The following ABCC8 variants were observed in gnomAD, a reference collection of about 807,000 sequenced individuals.
ABCC8 encodes the protein ATP-binding cassette sub-family C member 8.
ABCC8 carries 137 observed loss-of-function variants against 188.0 expected under a neutral mutation model. The observed-to-expected ratio is 0.73, with a 90% confidence interval of 0.63 to 0.84. The LOEUF is 0.84. Ranked by LOEUF, ABCC8 falls within the 40% of genes least tolerant of loss-of-function variation. The pLI is 0.00. For synonymous variants in ABCC8, 797 were observed against 846.5 expected, an observed-to-expected ratio of 0.94 and a Z score of 1.01; for missense variants, 1,750 against 2,072.7, an observed-to-expected ratio of 0.84 and a Z score of 3.02.
chr11:17,476,247 C>A (rs985136), intron 1 of ABCC8, among the ~76,000 whole-genome samples: 2 of 152,056 alleles, frequency 1.3e-5, no homozygotes, highest in South Asian at 2.1e-4. Context: ...GGCTGCCTTG[C>A]GGGAGGGGTG....
At chr11:17,425,530 C>G (rs1955541701) in intron 16 of ABCC8, among the ~76,000 whole-genome samples, 1 of 152,116 alleles carries the variant, frequency 6.6e-6, no homozygotes, top group African/African-American at 2.4e-5. Flanking sequence ...ACTCCAAAGC[C>G]CAGAGATCCC....
intron 3 of ABCC8, 56 bp downstream of exon 3, chr11:17,470,045 A>G: frequency 1.3e-6 from 2 of 1,593,998 alleles, no homozygotes; most frequent in Non-Finnish European, 1.7e-6. Context: ...TCCTCAGTAA[A>G]CATTATCTGA....
chr11:17,427,773 T>G lies in ABCC8; in HGVS notation c.2116+94A>C, dbSNP rs368928782. The G allele has an allele frequency of 3.8e-5, 56 of 1,484,052 alleles. No individual in the cohort carries two copies. The highest frequency in any genetic ancestry group is 3.1e-4 in the East Asian group (13 of 41,642). The allele number at this position is 1,484,052 out of a possible 1,614,324, so 91.9% of individuals were successfully genotyped here. On this transcript the variant is annotated intron_variant, in intron 15 of 38. Transcript: ENST00000389817. The surrounding 1 kb of genome is among the most constrained non-coding windows in gnomAD (Gnocchi z 5.0). ...GCATACACCAAGAATGAGCAGAGAG[T>G]AGGTGCTCAATAAATGCAGCTTTGT...
rs760425259 is a variant in ABCC8 at position 17,406,912 on chromosome 11, T to G, written c.3138A>C (p.Ala1046=). 1 of 1,614,150 alleles carries G rather than the reference T, an allele frequency of 6.2e-7. No homozygotes were observed. The highest frequency in any genetic ancestry group is 1.1e-5 in the South Asian group (1 of 91,088). Residue 1046 remains alanine, a synonymous_variant, in exon 25 of 39, where the codon GCA becomes GCC. Coordinates refer to ENST00000389817, the MANE Select transcript of ABCC8 (RefSeq NM_000352.6). The part of the protein sequence containing the change: ...WTDSALTLTP[A]ARNCSLSQEC... The stretch of plus-strand genomic sequence containing the variant: ...CCTGGCTGAGGGAGCAGTTCCTGGC[T>G]GCAGGGGTCAGGGTCAGGGCGCTGT...
chr11:17,407,651 A>G (rs1340264056), intron 23 of ABCC8, 198 bp from the exon 24 acceptor site: 5 of 544,000 alleles, frequency 9.2e-6, no homozygotes, highest in Non-Finnish European at 1.2e-5. Flanking sequence ...GCACCCCCAT[A>G]TCCCTGTGGG....
intron 6 of ABCC8, among the ~76,000 whole-genome samples, chr11:17,453,829 C>T (rs2133644682): frequency 6.6e-6 from 1 of 152,220 alleles, no homozygotes. Flanking sequence ...GATTTCAGAC[C>T]CAAGCCCGCC....
chr11:17,396,679 G>C lies in ABCC8; in HGVS notation c.4119+237C>G, dbSNP rs527918979. ...GTGAGCTGGGGGAGTCCAGAGTGTC[G>C]GTCTCCTTGGTGGATGAGTGAGAAG... On this transcript the variant is annotated intron_variant, in intron 33 of 38. Transcript: ENST00000389817. 4 of 565,486 alleles carry C rather than the reference G, an allele frequency of 7.1e-6. No homozygotes were observed. In the South Asian group the frequency reaches 8.1e-5, roughly 11 times the overall value. The allele number at this position is 565,486 out of a possible 1,614,324, so 35.0% of individuals were successfully genotyped here. A position where few individuals can be genotyped will look rare whatever the true frequency, so the allele number is the denominator to read the frequency against.
chr11:17,416,597 G>T (rs540003791), intron 17 of ABCC8, among the ~76,000 whole-genome samples: 4 of 152,000 alleles, frequency 2.6e-5, no homozygotes, highest in African/African-American at 9.7e-5. Context: ...ATACACATTG[G>T]CAGTCCCTTC....
At chr11:17,419,010 C>T (rs1955212799) in intron 16 of ABCC8, among the ~76,000 whole-genome samples, 2 of 152,196 alleles carry the variant, frequency 1.3e-5, no homozygotes, top group Non-Finnish European at 2.9e-5. Context: ...CCCCATTTTA[C>T]ACATGAGGAT....
intron 6 of ABCC8, among the ~76,000 whole-genome samples, chr11:17,453,541 AGGCC>A (rs1956888963): frequency 6.6e-6 from 1 of 152,170 alleles, no homozygotes; most frequent in Non-Finnish European, 1.5e-5. Context: ...TTACAACTGC[AGGCC>A]CATAAATATG....
chr11:17,449,701 T>C (rs1956685085), intron 7 of ABCC8, among the ~76,000 whole-genome samples: 1 of 152,246 alleles, frequency 6.6e-6, no homozygotes, highest in Admixed American at 6.5e-5. Flanking sequence ...AAAATTCTAT[T>C]ATTCATTCTG....
chr11:17,449,328 G>A (rs567653650), intron 7 of ABCC8, among the ~76,000 whole-genome samples: 1 of 152,328 alleles, frequency 6.6e-6, no homozygotes, highest in East Asian at 1.9e-4. Flanking sequence ...GATGAAGTGG[G>A]GCAGGCCATC....
intron 22 of ABCC8, among the ~76,000 whole-genome samples, chr11:17,410,068 A>G (rs1954734282): frequency 6.6e-6 from 1 of 151,940 alleles, no homozygotes; most frequent in Admixed American, 6.5e-5. Flanking sequence ...TTCTATTACT[A>G]CTGCTATTGT....
chr11:17,415,732 C>T (rs1225735008), intron 17 of ABCC8, among the ~76,000 whole-genome samples: 3 of 152,244 alleles, frequency 2.0e-5, no homozygotes, highest in Non-Finnish European at 4.4e-5. Context: ...GCTGCACAAA[C>T]AGCTGGGGCA....
chr11:17,459,638 G>A (rs764611541), intron 6 of ABCC8, among the ~76,000 whole-genome samples: 3 of 152,146 alleles, frequency 2.0e-5, no homozygotes, highest in Non-Finnish European at 4.4e-5. Context: ...ATGTTATAAT[G>A]ACATCCTCAC....
chr11:17,460,502 C>A lies in ABCC8; in HGVS notation c.997G>T (p.Val333Phe). The change falls in exon 6 of 39, where the codon GTC (valine) becomes TTC (phenylalanine). Residue 333 changes from valine (V) to phenylalanine (F), a missense_variant. Coordinates refer to ENST00000389817, the MANE Select transcript of ABCC8 (RefSeq NM_000352.6). Reference sequence around the variant, plus strand: ...GGGCTGCCTACCTTGGGCTGGAAGACGTCGTTCTCCTTCCCAAGGTGGTCC... The same window carrying A: ...GGGCTGCCTACCTTGGGCTGGAAGAAGTCGTTCTCCTTCCCAAGGTGGTCC... The part of the protein sequence containing the change: ...IVDHLGKEND[V>F]FQPKTQFLGV... 1 of 1,614,146 alleles carries A rather than the reference C, an allele frequency of 6.2e-7. No individual in the cohort carries two copies. Among genetic ancestry groups the A allele is most frequent in the Non-Finnish European group, 8.5e-7 (1 of 1,180,034 alleles).
At position 17,456,162 on chromosome 11, in the gene ABCC8, CA is replaced by C. The variant is rs549695279; in HGVS notation, c.1012-2880del. ...GGTGGAAGAAAATGCTTTGGAAAAT[CA>C]TAGGCCCTAGTCTTGCATTTTCACA... is the stretch of plus-strand genomic sequence containing the variant. On this transcript the variant is annotated intron_variant, in intron 6 of 38. Coordinates refer to ENST00000389817, the MANE Select transcript of ABCC8 (RefSeq NM_000352.6). Among the ~76,000 whole-genome samples, 364 of 152,262 alleles carry C rather than the reference CA, an allele frequency of 2.4e-3. 4 individuals are homozygous for C. Among genetic ancestry groups the C allele is most frequent in the Middle Eastern group, 6.8e-3 (2 of 294 alleles).
chr11:17,434,627 G>A (rs556219994), intron 10 of ABCC8, among the ~76,000 whole-genome samples: 2 of 152,266 alleles, frequency 1.3e-5, no homozygotes, highest in South Asian at 2.1e-4. Flanking sequence ...GTCAGAAAAC[G>A]TGATAATTGA....
At chr11:17,462,835 C>G (rs749907823) in intron 4 of ABCC8, among the ~76,000 whole-genome samples, 1 of 152,088 alleles carries the variant, frequency 6.6e-6, no homozygotes, top group Admixed American at 6.6e-5. Context: ...AGATAAATAC[C>G]GTGGGGGAAA....
Sources: gnomAD v4.1 joint callset for allele counts (sites outside exome capture counted in the v4.1 genomes callset) on GRCh38, gnomAD v4.1.1 for gene constraint, Gnocchi (gnomAD v3.1) non-coding constraint, MANE v1.5 for transcripts, NCBI Gene and HGNC (gene_info 2026-07-23, HGNC 2026-07-21) for gene names.